CTNND2: variants seen among roughly 807,000 people sequenced by gnomAD.
CTNND2 encodes catenin delta-2.
In CTNND2, 22 loss-of-function variants were observed where a neutral mutation model predicts 144.4. That is an observed-to-expected ratio of 0.15 (90% CI 0.11 to 0.22). CTNND2 has a LOEUF of 0.22. Among genes scored for constraint, CTNND2 ranks in the 10% least tolerant of loss-of-function variants. The probability of loss-of-function intolerance (pLI) is 1.00; values close to 1 mark genes in which losing one functional copy is unlikely to be tolerated. For synonymous variants in CTNND2, 751 were observed against 695.6 expected (o/e 1.08, Z -1.25); for missense variants, 1,353 against 1,618.8 (o/e 0.84, Z 2.82).
intron 10 of CTNND2, among the ~76,000 whole-genome samples, chr5:11,201,002 C>T (rs1168870059): frequency 8.2e-6 from 1 of 122,386 alleles, no homozygotes; most frequent in South Asian, 2.5e-4. Flanking sequence ...TTCAGTAGTG[C>T]CCAAGTGCTG....
At chr5:11,767,149 T>A (rs115334779) in intron 1 of CTNND2, among the ~76,000 whole-genome samples, 1 of 152,212 alleles carries the variant, frequency 6.6e-6, no homozygotes, top group Non-Finnish European at 1.5e-5. Context: ...TGAATCAGCA[T>A]TGTAACAAGA....
intron 1 of CTNND2, among the ~76,000 whole-genome samples, chr5:11,871,063 G>A (rs1215140291): frequency 6.6e-6 from 1 of 152,300 alleles, no homozygotes; most frequent in East Asian, 1.9e-4. Context: ...TTGCCCTCTT[G>A]CAAGAAGAGG....
chr5:11,432,969 G>T (rs1349418371), intron 3 of CTNND2, among the ~76,000 whole-genome samples: 1 of 152,190 alleles, frequency 6.6e-6, no homozygotes, highest in African/African-American at 2.4e-5. Context: ...TACTAGCCGG[G>T]TGCAGTGGCT....
At chr5:11,372,676 C>T (rs959990500) in intron 7 of CTNND2, among the ~76,000 whole-genome samples, 6 of 152,210 alleles carry the variant, frequency 3.9e-5, no homozygotes, top group Admixed American at 3.9e-4. Flanking sequence ...ACCAAATTTA[C>T]TAGCCACGTA....
At chr5:11,633,039 C>T (rs1009999103) in intron 2 of CTNND2, among the ~76,000 whole-genome samples, 9 of 152,028 alleles carry the variant, frequency 5.9e-5, no homozygotes, top group South Asian at 4.2e-4. Context: ...GTAATGGAAG[C>T]GCCAGAGAGA....
At chr5:11,517,731 T>C (rs891593822) in intron 3 of CTNND2, among the ~76,000 whole-genome samples, 2 of 151,962 alleles carry the variant, frequency 1.3e-5, no homozygotes, top group Non-Finnish European at 2.9e-5. Flanking sequence ...ATGGCACATG[T>C]ACACCTATGT....
At chr5:11,443,420 G>A (rs1368570622) in intron 3 of CTNND2, among the ~76,000 whole-genome samples, 2 of 141,806 alleles carry the variant, frequency 1.4e-5, no homozygotes, top group Non-Finnish European at 3.1e-5. Flanking sequence ...GGTGTGTGGT[G>A]TGTGTGTGTG....
intron 9 of CTNND2, among the ~76,000 whole-genome samples, chr5:11,335,532 T>C (rs1316792371): frequency 1.3e-5 from 2 of 152,060 alleles, no homozygotes; most frequent in Admixed American, 6.5e-5. Context: ...AATAAGGACT[T>C]TGAGGATGGA....
intron 3 of CTNND2, among the ~76,000 whole-genome samples, chr5:11,437,087 T>C (rs577394078): frequency 2.5e-4 from 38 of 152,354 alleles, no homozygotes; most frequent in African/African-American, 8.4e-4. Context: ...TTTTTCGGCA[T>C]ATGCATTTGT....
At chr5:11,341,868 C>T (rs1247204921) in intron 9 of CTNND2, among the ~76,000 whole-genome samples, 1 of 152,050 alleles carries the variant, frequency 6.6e-6, no homozygotes, top group Non-Finnish European at 1.5e-5. Flanking sequence ...AACAATTTAA[C>T]CAGGCTTGTG....
intron 9 of CTNND2, among the ~76,000 whole-genome samples, chr5:11,330,483 CAAAAAAAAAA>C (rs10627159): frequency 2.5e-4 from 11 of 43,442 alleles, no homozygotes; most frequent in Admixed American, 1.7e-3. Flanking sequence ...GACTCCGTCT[CAAAAAAAAAA>C]AAAAAAAAAA....
At chr5:11,200,685 CT>C (rs1236270434) in intron 10 of CTNND2, among the ~76,000 whole-genome samples, 2 of 151,834 alleles carry the variant, frequency 1.3e-5, no homozygotes, top group Non-Finnish European at 2.9e-5. Flanking sequence ...TTTCTTTTTT[CT>C]TTTTCTTTTT....
intron 11 of CTNND2, among the ~76,000 whole-genome samples, chr5:11,191,941 C>T (rs549160927): frequency 3.9e-5 from 6 of 152,238 alleles, no homozygotes; most frequent in Admixed American, 3.3e-4. Context: ...CAACTGCAGG[C>T]CCATCACCAG....
intron 1 of CTNND2, among the ~76,000 whole-genome samples, chr5:11,858,831 A>G (rs1795369635): frequency 6.6e-6 from 1 of 152,172 alleles, no homozygotes; most frequent in Non-Finnish European, 1.5e-5. Flanking sequence ...CGGGAGGCTG[A>G]GGCAGGAGAA....
intron 6 of CTNND2, among the ~76,000 whole-genome samples, chr5:11,389,859 C>T (rs560438062): frequency 1.3e-5 from 2 of 152,254 alleles, no homozygotes; most frequent in African/African-American, 4.8e-5. Context: ...GTATAATGTA[C>T]ATAAACTTTG....
intron 1 of CTNND2, among the ~76,000 whole-genome samples, chr5:11,779,402 G>A (rs541548484): frequency 6.6e-6 from 1 of 152,146 alleles, no homozygotes; most frequent in East Asian, 1.9e-4. Flanking sequence ...TAACACAACA[G>A]GCACAAACAG....
chr5:11,261,024 G>A (rs1238064565), intron 9 of CTNND2, among the ~76,000 whole-genome samples: 3 of 152,104 alleles, frequency 2.0e-5, no homozygotes, highest in Non-Finnish European at 4.4e-5. Flanking sequence ...GTCTGGCTCG[G>A]TGCATGCAGG....
At chr5:11,581,446 T>A (rs766095800) in intron 2 of CTNND2, among the ~76,000 whole-genome samples, 40 of 152,202 alleles carry the variant, frequency 2.6e-4, no homozygotes, top group Non-Finnish European at 8.8e-5. Flanking sequence ...AGACTCTTTT[T>A]CAGGTTGATA....
chr5:11,332,099 A>C (rs1022932149), intron 9 of CTNND2, among the ~76,000 whole-genome samples: 6 of 151,906 alleles, frequency 3.9e-5, no homozygotes, highest in African/African-American at 1.5e-4. Flanking sequence ...AACATGGAGA[A>C]ACCCCGTCCC....
Sources: gnomAD v4.1 joint callset for allele counts (sites outside exome capture counted in the v4.1 genomes callset) on GRCh38, gnomAD v4.1.1 for gene constraint, MANE v1.5 for transcripts, NCBI Gene and HGNC (gene_info 2026-07-23, HGNC 2026-07-21) for gene names.